The following RELN variants were observed in gnomAD, a reference collection of about 807,000 sequenced individuals.
RELN encodes the protein reelin.
RELN carries 108 observed loss-of-function variants against 427.6 expected under a neutral mutation model. The observed-to-expected ratio is 0.25, with a 90% CI of 0.22 to 0.30. The LOEUF is 0.30. Among genes scored for constraint, RELN ranks in the 10% least tolerant of loss-of-function variants. RELN has a pLI of 1.00. For synonymous variants in RELN, 1,524 were observed against 1,513.4 expected (o/e 1.01, Z -0.16); for missense variants, 3,715 against 4,302.8 (o/e 0.86, Z 3.82).
At chr7:103,664,667 T>G (rs1014024381) in intron 11 of RELN, among the ~76,000 whole-genome samples, 6 of 152,194 alleles carry the variant, frequency 3.9e-5, no homozygotes, top group African/African-American at 1.4e-4. Flanking sequence ...CTTTTAAAAT[T>G]TGGCCTATTA....
intron 3 of RELN, among the ~76,000 whole-genome samples, chr7:103,828,536 C>T (rs1793197766): frequency 6.6e-6 from 1 of 151,876 alleles, no homozygotes; most frequent in Admixed American, 6.6e-5. Context: ...TAGGCACAAA[C>T]CTGATCTTCT....
chr7:103,879,101 G>GTA (rs1483968741), intron 2 of RELN, among the ~76,000 whole-genome samples: 2 of 152,212 alleles, frequency 1.3e-5, no homozygotes, highest in Non-Finnish European at 2.9e-5. Context: ...ATGAAAAGGA[G>GTA]TATAACTTTA....
chr7:103,741,109 GGACAAAACTCAAGT>G (rs1428877776), intron 6 of RELN, among the ~76,000 whole-genome samples: 4 of 152,090 alleles, frequency 2.6e-5, no homozygotes, highest in African/African-American at 4.8e-5. Context: ...ATATTATAAG[GGACAAAACTCAAGT>G]GACAAAACAT....
At chr7:103,677,949 G>C (rs1275348502) in intron 11 of RELN, among the ~76,000 whole-genome samples, 1 of 151,830 alleles carries the variant, frequency 6.6e-6, no homozygotes. Flanking sequence ...CCTTCCATCA[G>C]ATCCCTGCTC....
At chr7:103,826,342 GTGT>G (rs1793140400) in intron 3 of RELN, among the ~76,000 whole-genome samples, 1 of 116,382 alleles carries the variant, frequency 8.6e-6, no homozygotes, top group African/African-American at 2.6e-5. Context: ...GTGTGTGTGT[GTGT>G]GTGTGTGTGT....
chr7:103,624,226 T>A (rs1359134954), intron 20 of RELN, among the ~76,000 whole-genome samples: 1 of 152,166 alleles, frequency 6.6e-6, no homozygotes. Context: ...ACTTTTAAAA[T>A]GTCCTGAACA....
intron 41 of RELN, among the ~76,000 whole-genome samples, chr7:103,547,820 C>G (rs927543152): frequency 4.6e-5 from 7 of 152,050 alleles, no homozygotes; most frequent in Non-Finnish European, 1.0e-4. Flanking sequence ...ACAAATGAAC[C>G]ACCTTAGTTG....
rs1449891493 is a variant in RELN at position 103,640,318 on chromosome 7, T to A, written c.2069+225A>T. ...GAGGAATTCCAATTTGTTCACAAAT[T>A]CACATGAGGAATGCTAAATTTGTCC... On this transcript the variant is annotated intron_variant, in intron 17 of 64. Transcript: ENST00000428762. This position sits in a 1 kb window ranked among gnomAD's most constrained non-coding sequence, Gnocchi z 4.1. Among the ~76,000 whole-genome samples the A allele has an allele frequency of 6.6e-6, 1 of 152,158 alleles. No homozygotes were observed. The highest frequency in any genetic ancestry group is 2.1e-4 in the South Asian group (1 of 4,822).
At chr7:103,808,420 A>G (rs1176619230) in intron 3 of RELN, among the ~76,000 whole-genome samples, 1 of 152,056 alleles carries the variant, frequency 6.6e-6, no homozygotes, top group Non-Finnish European at 1.5e-5. Context: ...ATAATAGAAA[A>G]CAAAACAAAA....
At chr7:103,625,660 C>T (rs114535557) in intron 20 of RELN, among the ~76,000 whole-genome samples, 1 of 151,738 alleles carries the variant, frequency 6.6e-6, no homozygotes, top group Admixed American at 6.6e-5. Context: ...ATGAAAACCT[C>T]AGGTTCACAT....
At chr7:103,843,663 G>C (rs574462303) in intron 2 of RELN, among the ~76,000 whole-genome samples, 2 of 152,222 alleles carry the variant, frequency 1.3e-5, no homozygotes, top group East Asian at 3.9e-4. Flanking sequence ...TATACCCTTT[G>C]TCCTCTTGGT....
chr7:103,911,603 C>A (rs199805433), intron 2 of RELN, among the ~76,000 whole-genome samples: 15,707 of 150,870 alleles, frequency 0.1, 1,653 homozygotes, highest in African/African-American at 0.26. Context: ...TGGAACCAAC[C>A]CAAAAGTCCA....
intron 28 of RELN, among the ~76,000 whole-genome samples, chr7:103,583,013 A>C (rs975451528): frequency 6.6e-6 from 1 of 152,202 alleles, no homozygotes; most frequent in Non-Finnish European, 1.5e-5. Context: ...CAAAGTGTAC[A>C]TGGGCTCTTA....
At chr7:103,725,384 C>A (rs2115919657) in intron 7 of RELN, among the ~76,000 whole-genome samples, 1 of 152,242 alleles carries the variant, frequency 6.6e-6, no homozygotes, top group East Asian at 1.9e-4. Context: ...GAGACCTCAT[C>A]TCTACAAACA....
intron 20 of RELN, among the ~76,000 whole-genome samples, chr7:103,618,039 T>C (rs2117305826): frequency 6.6e-6 from 1 of 152,280 alleles, no homozygotes; most frequent in Non-Finnish European, 1.5e-5. Flanking sequence ...GTACTTCTTG[T>C]ACAGTCTGCA....
At chr7:103,945,159 G>A (rs993275600) in intron 1 of RELN, among the ~76,000 whole-genome samples, 5 of 152,098 alleles carry the variant, frequency 3.3e-5, no homozygotes, top group Admixed American at 2.6e-4. Flanking sequence ...AATACTGGGA[G>A]CTCCCAGAGG....
intron 1 of RELN, among the ~76,000 whole-genome samples, chr7:103,920,795 A>T (rs1795601758): frequency 6.6e-6 from 1 of 152,122 alleles, no homozygotes; most frequent in Non-Finnish European, 1.5e-5. Flanking sequence ...GCTGGTCTTG[A>T]ACTCCTGGCC....
At chr7:103,725,971 G>C (rs1790201242) in intron 7 of RELN, among the ~76,000 whole-genome samples, 1 of 152,046 alleles carries the variant, frequency 6.6e-6, no homozygotes, top group South Asian at 2.1e-4. Flanking sequence ...CTTTGCTCGT[G>C]GTTCTTTTTC....
In RELN at chr7:103,952,746, T is replaced by G. The variant is rs1318364679; in HGVS notation, c.227-35561A>C. Reference sequence around the variant, plus strand: ...CAAAAAACCTTACAAAGTAGCTGTTTATATTCAAAAGGTCGGGAAATTGCA... The same window carrying G: ...CAAAAAACCTTACAAAGTAGCTGTTGATATTCAAAAGGTCGGGAAATTGCA... On this transcript the variant is annotated intron_variant, in intron 1 of 64. Coordinates refer to ENST00000428762, the MANE Select transcript of RELN (RefSeq NM_005045.4). Among the ~76,000 whole-genome samples, 12 of 152,344 alleles carry G rather than the reference T, an allele frequency of 7.9e-5. No homozygotes were observed. In the South Asian group the frequency reaches 2.3e-3, roughly 29 times the overall value.
Sources: gnomAD v4.1 joint callset for allele counts (sites outside exome capture counted in the v4.1 genomes callset) on GRCh38, gnomAD v4.1.1 for gene constraint, Gnocchi (gnomAD v3.1) non-coding constraint, MANE v1.5 for transcripts, NCBI Gene and HGNC (gene_info 2026-07-23, HGNC 2026-07-21) for gene names.